ANKS1B: variants seen among roughly 807,000 people sequenced by gnomAD.
The protein encoded by ANKS1B is ankyrin repeat and sterile alpha motif domain-containing protein 1B.
ANKS1B carries 36 observed loss-of-function variants against 148.3 expected under a neutral mutation model. The observed-to-expected ratio is 0.24, with a 90% CI of 0.19 to 0.32. The LOEUF is 0.32. Among genes scored for constraint, ANKS1B ranks in the 10% least tolerant of loss-of-function variants. The pLI, the probability that ANKS1B is intolerant of heterozygous loss-of-function variation, is 1.00. For synonymous variants in ANKS1B, 542 were observed against 560.8 expected, an observed-to-expected ratio of 0.97 and a Z score of 0.47; for missense variants, 1,157 against 1,542.6, an observed-to-expected ratio of 0.75 and a Z score of 4.19.
chr12:99,732,795 GAGAAAGATC>G (rs1197511277), intron 8 of ANKS1B, among the ~76,000 whole-genome samples: 5 of 152,060 alleles, frequency 3.3e-5, no homozygotes, highest in African/African-American at 1.2e-4. Context: ...TTTAATAGTA[GAGAAAGATC>G]AGAAAGATCA....
chr12:99,923,803 T>C (rs944013070), intron 1 of ANKS1B, among the ~76,000 whole-genome samples: 1 of 152,094 alleles, frequency 6.6e-6, no homozygotes, highest in African/African-American at 2.4e-5. Flanking sequence ...CTCCTCCTAC[T>C]GGTAAACTCA....
chr12:99,298,212 A>G (rs1365763525), intron 12 of ANKS1B, among the ~76,000 whole-genome samples: 1 of 152,160 alleles, frequency 6.6e-6, no homozygotes, highest in Non-Finnish European at 1.5e-5. Flanking sequence ...AATGTTTCCT[A>G]CGTACCAATG....
At chr12:99,774,271 C>T (rs1184976737) in intron 7 of ANKS1B, among the ~76,000 whole-genome samples, 1 of 151,992 alleles carries the variant, frequency 6.6e-6, no homozygotes, top group Non-Finnish European at 1.5e-5. Context: ...ATAAGGAATT[C>T]ACATAACTCA....
At chr12:99,138,119 A>T (rs937266037) in intron 15 of ANKS1B, among the ~76,000 whole-genome samples, 3 of 152,202 alleles carry the variant, frequency 2.0e-5, no homozygotes, top group African/African-American at 7.2e-5. Context: ...TGAAAGTGGA[A>T]ACTAAGCAAA....
At chr12:98,953,640 T>C (rs1481385059) in intron 17 of ANKS1B, among the ~76,000 whole-genome samples, 1 of 146,634 alleles carries the variant, frequency 6.8e-6, no homozygotes, top group East Asian at 2.2e-4. Context: ...ATTACCACAT[T>C]GTGATCTAGG....
chr12:99,428,033 A>T (rs2095294918), intron 11 of ANKS1B, among the ~76,000 whole-genome samples: 1 of 152,338 alleles, frequency 6.6e-6, no homozygotes, highest in South Asian at 2.1e-4. Context: ...AGAGGTTGTC[A>T]TGAAGGTAGG....
intron 15 of ANKS1B, among the ~76,000 whole-genome samples, chr12:99,114,532 A>G (rs2060930505): frequency 1.3e-5 from 2 of 152,186 alleles, no homozygotes; most frequent in Non-Finnish European, 2.9e-5. Flanking sequence ...CTGGTGCATC[A>G]CTTGAGGTCA....
intron 12 of ANKS1B, among the ~76,000 whole-genome samples, chr12:99,261,472 GCCC>G (rs2153982499): frequency 6.6e-6 from 1 of 152,070 alleles, no homozygotes; most frequent in East Asian, 1.9e-4. Context: ...TCCTTTGCTG[GCCC>G]CAGGGTTTAA....
chr12:99,756,325 C>G (rs1160931042), intron 8 of ANKS1B, among the ~76,000 whole-genome samples: 1 of 151,956 alleles, frequency 6.6e-6, no homozygotes, highest in African/African-American at 2.4e-5. Context: ...GGAACATACT[C>G]CCATTCACAA....
chr12:99,068,451 A>G (rs1212729002), intron 16 of ANKS1B, among the ~76,000 whole-genome samples: 2 of 152,184 alleles, frequency 1.3e-5, no homozygotes, highest in African/African-American at 4.8e-5. Flanking sequence ...CTCTATTATA[A>G]TCTTATGGGA....
At chr12:98,780,140 C>T (rs1416443849) in intron 24 of ANKS1B, among the ~76,000 whole-genome samples, 3 of 152,158 alleles carry the variant, frequency 2.0e-5, no homozygotes, top group Admixed American at 6.5e-5. Flanking sequence ...CCCTAAGTTG[C>T]TGTTTCTTAA....
intron 25 of ANKS1B, among the ~76,000 whole-genome samples, chr12:98,755,904 C>T (rs2098228740): frequency 6.6e-6 from 1 of 152,152 alleles, no homozygotes; most frequent in Non-Finnish European, 1.5e-5. Flanking sequence ...CGAATCTGCT[C>T]TTTGAATCTG....
chr12:98,937,895 GGA>G (rs35321454), intron 17 of ANKS1B, among the ~76,000 whole-genome samples: 9 of 150,096 alleles, frequency 6.0e-5, no homozygotes, highest in Non-Finnish European at 7.4e-5. Context: ...CATGGCAGCA[GGA>G]GAGAGAGAGA....
intron 11 of ANKS1B, among the ~76,000 whole-genome samples, chr12:99,412,810 T>C (rs781757682): frequency 7.9e-5 from 12 of 152,202 alleles, no homozygotes; most frequent in Non-Finnish European, 1.3e-4. Context: ...TATAAGAGAT[T>C]TGAGGAAGTC....
chr12:99,806,341 T>C lies in ANKS1B; in HGVS notation c.669+63A>G. 4 of 1,581,382 alleles carry C rather than the reference T, an allele frequency of 2.5e-6. No homozygotes were observed. The South Asian group carries it at 4.5e-5, about 18-fold the overall frequency. On this transcript the variant is annotated intron_variant, in intron 4 of 26. Transcript: ENST00000683438. The stretch of plus-strand genomic sequence containing the variant: ...AGATTTCTACATACAGGTTTTCACA[T>C]TTGAATCCCAAAGCCAAGCAACAGC...
At chr12:99,919,731 T>C (rs1849640790) in intron 1 of ANKS1B, among the ~76,000 whole-genome samples, 2 of 146,494 alleles carry the variant, frequency 1.4e-5, no homozygotes, top group Admixed American at 7.0e-5. Flanking sequence ...AGGTGGCAAA[T>C]TGAGCACTTG....
intron 15 of ANKS1B, among the ~76,000 whole-genome samples, chr12:99,111,816 G>A (rs1308048238): frequency 6.6e-6 from 1 of 152,018 alleles, no homozygotes; most frequent in Non-Finnish European, 1.5e-5. Flanking sequence ...GCAACAAGGC[G>A]ATGGTGGCAG....
At chr12:99,859,647 GT>G (rs1274509793) in intron 1 of ANKS1B, among the ~76,000 whole-genome samples, 5 of 150,092 alleles carry the variant, frequency 3.3e-5, no homozygotes, top group Non-Finnish European at 7.4e-5. Flanking sequence ...TTTTTGTTTT[GT>G]TTTTGTTTTT....
chr12:99,930,328 T>C (rs2094581722), intron 1 of ANKS1B, among the ~76,000 whole-genome samples: 1 of 152,184 alleles, frequency 6.6e-6, no homozygotes, highest in South Asian at 2.1e-4. Flanking sequence ...AGAATGCTTG[T>C]GATTTTTGTA....
Sources: gnomAD v4.1 joint callset for allele counts (sites outside exome capture counted in the v4.1 genomes callset) on GRCh38, gnomAD v4.1.1 for gene constraint, MANE v1.5 for transcripts, NCBI Gene and HGNC (gene_info 2026-07-23, HGNC 2026-07-21) for gene names.